The following PLAAT4 variants were observed in gnomAD, a reference collection of about 807,000 sequenced individuals.
PLAAT4 encodes phospholipase A and acyltransferase 4, also known as HRAS-like suppressor 4.
In PLAAT4, 12 loss-of-function variants were observed where a neutral mutation model predicts 14.1. The observed-to-expected ratio is 0.85, with a 90% CI of 0.54 to 1.37. The LOEUF is 1.37. PLAAT4 is among the 40% of genes most tolerant of loss of function. The pLI is 0.00. For missense variants in PLAAT4, 163 were observed against 211.7 expected (o/e 0.77, Z 1.43); for synonymous variants, 77 against 79.8 (o/e 0.96, Z 0.19).
chr11:63,539,211 G>A (rs148667369), intron 1 of PLAAT4, among the ~76,000 whole-genome samples: 43 of 152,252 alleles, frequency 2.8e-4, no homozygotes, highest in Non-Finnish European at 5.1e-4. Context: ...AGGAGCATGT[G>A]TACAATGCAC....
chr11:63,544,462 A>G, intron 2 of PLAAT4, 159 bp from the exon 3 acceptor site: 1 of 910,960 alleles, frequency 1.1e-6, no homozygotes, highest in Non-Finnish European at 1.7e-6. Flanking sequence ...CCTGGGCAAC[A>G]GAGTGAGACT....
At chr11:63,545,435 G>T (rs913563202) in intron 3 of PLAAT4, 2 of 179,728 alleles carry the variant, frequency 1.1e-5, no homozygotes. Context: ...CTCTGCCTGT[G>T]ATGCCTACTC....
chr11:63,538,402 C>A, intron 1 of PLAAT4: 1 of 377,798 alleles, frequency 2.6e-6, no homozygotes, highest in South Asian at 1.9e-5. Flanking sequence ...AGGCATGGGG[C>A]TGCCTGAACC....
In PLAAT4 at chr11:63,539,407, C is replaced by T. The variant is rs34739300; in HGVS notation, c.10-109C>T. On this transcript the variant is annotated intron_variant, in intron 1 of 3. Coordinates refer to ENST00000255688, the MANE Select transcript of PLAAT4 (RefSeq NM_004585.5). The stretch of plus-strand genomic sequence containing the variant: ...GCTGAGGATCTCATGGGGCTAGCAG[C>T]TGATGAACATCAGCAAGGCGTCTCC... 1.5e-5 allele frequency: 13 copies of T among 857,450 alleles called. No homozygotes were observed. The Admixed American group carries it at 2.2e-4, about 15-fold the overall frequency. 53.1% of individuals were successfully genotyped at this position (857,450 alleles called of 1,614,324 possible).
intron 1 of PLAAT4, among the ~76,000 whole-genome samples, chr11:63,538,206 T>G (rs1590662728): frequency 6.7e-6 from 1 of 149,900 alleles, no homozygotes; most frequent in Non-Finnish European, 1.5e-5. Context: ...GAGAGGAGGG[T>G]GAGGAAGGGC....
intron 1 of PLAAT4, among the ~76,000 whole-genome samples, chr11:63,539,154 C>A (rs941183917): frequency 6.6e-6 from 1 of 152,184 alleles, no homozygotes; most frequent in Non-Finnish European, 1.5e-5. Flanking sequence ...TTGCTCCTGG[C>A]CTCAGTGAAG....
At chr11:63,544,484 A>G (rs2017345875) in intron 2 of PLAAT4, 137 bp from the exon 3 acceptor site, 1 of 1,132,912 alleles carries the variant, frequency 8.8e-7, no homozygotes, top group Non-Finnish European at 1.2e-6. Context: ...CATCAAAATA[A>G]AAAAAAAAAG....
chr11:63,537,799 A>G (rs1321256911), intron 1 of PLAAT4, among the ~76,000 whole-genome samples: 2 of 152,040 alleles, frequency 1.3e-5, no homozygotes, highest in African/African-American at 4.8e-5. Flanking sequence ...TTCCTTGTCT[A>G]TTTCCTTGCC....
chr11:63,544,678 A>T lies in PLAAT4; in HGVS notation c.176A>T (p.Glu59Val), dbSNP rs756256049. 6.2e-7 allele frequency: 1 copy of T among 1,614,142 alleles called. No homozygotes were observed. The highest frequency in any genetic ancestry group is 8.5e-7 in the Non-Finnish European group (1 of 1,180,030). The change falls in exon 3 of 4, where the codon GAG becomes GTG. Residue 59 changes from glutamate (E) to valine (V), a missense_variant. By Grantham distance (121) the Glu-to-Val change is moderately radical. Transcript: ENST00000255688. Reference protein sequence around the residue: ...SVFSVLSNSAEVKRERLEDVV... With the variant: ...SVFSVLSNSAVVKRERLEDVV... ...TTCTCAGTCCTGAGCAACAGTGCAG[A>T]GGTGAAACGGGAGCGCCTGGAAGAT...
chr11:63,544,958 C>T lies in PLAAT4; in HGVS notation c.387+69C>T, dbSNP rs199864477. 81 of 1,603,056 alleles carry T rather than the reference C, an allele frequency of 5.1e-5. No individual in the cohort carries two copies. Among genetic ancestry groups the T allele is most frequent in the Non-Finnish European group, 5.0e-5 (59 of 1,170,212 alleles). ...GGACTCACGGGGCTGTGCAGCCAGG[C>T]GATCACTGTGAATGATGCAAATGCA... On this transcript the variant is annotated intron_variant, in intron 3 of 3. Coordinates refer to ENST00000255688, the MANE Select transcript of PLAAT4 (RefSeq NM_004585.5).
rs1176554650 is a variant in PLAAT4, at chr11:63,539,589, T to C, written c.83T>C (p.Ile28Thr). ...RLGYEHWALY[I>T]GDGYVIHLAP... Reference sequence around the variant, plus strand: ...GGCTATGAGCACTGGGCCCTGTATATAGGAGATGGCTACGTGATCCATCTG... The same window carrying C: ...GGCTATGAGCACTGGGCCCTGTATACAGGAGATGGCTACGTGATCCATCTG... The change falls in exon 2 of 4, where the codon ATA (isoleucine) becomes ACA (threonine). Residue 28 changes from isoleucine to threonine, a missense_variant. Physicochemically the swap from Ile to Thr is moderately conservative, Grantham distance 89 (BLOSUM62 -1). Transcript: ENST00000255688. 1.9e-6 allele frequency: 3 copies of C among 1,613,598 alleles called. No individual in the cohort carries two copies. The highest frequency in any genetic ancestry group is 2.5e-6 in the Non-Finnish European group (3 of 1,179,540).
In PLAAT4 at chr11:63,546,434, C is replaced by G; in HGVS notation, c.*178C>G. 1 of 594,752 alleles carries G rather than the reference C, an allele frequency of 1.7e-6. No homozygotes were observed. Among genetic ancestry groups the G allele is most frequent in the Non-Finnish European group, 3.0e-6 (1 of 336,490 alleles). The allele number at this position is 594,752 out of a possible 1,614,324, so 36.8% of individuals were successfully genotyped here. On this transcript the variant is annotated 3_prime_UTR_variant, in exon 4 of 4. Coordinates refer to ENST00000255688, the MANE Select transcript of PLAAT4 (RefSeq NM_004585.5). ...TCTAATTGAAACAAGACTGAAGGAT[C>G]AATAAACAGCCATCTGCCCCTTCAG...
intron 1 of PLAAT4, among the ~76,000 whole-genome samples, chr11:63,538,233 GGGA>G (rs142572698): frequency 1.8e-3 from 268 of 152,150 alleles, no homozygotes; most frequent in African/African-American, 5.9e-3. Flanking sequence ...GGAAGGGCCT[GGGA>G]GCTGCCCACA....
intron 2 of PLAAT4, among the ~76,000 whole-genome samples, chr11:63,542,174 C>A (rs2017327036): frequency 6.6e-6 from 1 of 152,042 alleles, no homozygotes; most frequent in South Asian, 2.1e-4. Flanking sequence ...ACAATGCAGC[C>A]CTTGATAACT....
At chr11:63,544,287 G>A (rs1372832280) in intron 2 of PLAAT4, among the ~76,000 whole-genome samples, 2 of 152,084 alleles carry the variant, frequency 1.3e-5, no homozygotes, top group South Asian at 2.1e-4. Flanking sequence ...TGACTTGAAC[G>A]AACATTCACA....
chr11:63,540,018 CTT>C (rs1444627217), intron 2 of PLAAT4, among the ~76,000 whole-genome samples: 1 of 152,240 alleles, frequency 6.6e-6, no homozygotes, highest in East Asian at 1.9e-4. Context: ...GCAAGGGAAA[CTT>C]GAGTTAGGAG....
At chr11:63,539,990 C>A (rs2017308688) in intron 2 of PLAAT4, among the ~76,000 whole-genome samples, 1 of 152,200 alleles carries the variant, frequency 6.6e-6, no homozygotes, top group African/African-American at 2.4e-5. Context: ...TCAATGAGAG[C>A]CACTGAAAGA....
chr11:63,537,990 G>A (rs1590662652), intron 1 of PLAAT4, among the ~76,000 whole-genome samples: 1 of 152,230 alleles, frequency 6.6e-6, no homozygotes, highest in African/African-American at 2.4e-5. Context: ...TAGGAGTGGG[G>A]TGGCGGGTCA....
chr11:63,540,943 C>T (rs1294871169), intron 2 of PLAAT4, among the ~76,000 whole-genome samples: 5 of 152,228 alleles, frequency 3.3e-5, no homozygotes, highest in Non-Finnish European at 7.3e-5. Flanking sequence ...TTCTCATGTT[C>T]TCTTTTCACC....
Sources: allele counts gnomAD v4.1 joint callset (sites outside exome capture counted in the v4.1 genomes callset), GRCh38; gene constraint gnomAD v4.1.1; transcripts MANE v1.5; gene names NCBI Gene and HGNC (gene_info 2026-07-23, HGNC 2026-07-21).